Variants in EFR3B observed in about 807,000 individuals in gnomAD.
EFR3B encodes the protein protein EFR3 homolog B.
In EFR3B, 64 loss-of-function variants were observed where a neutral mutation model predicts 104.7. The observed-to-expected ratio is 0.61, with a 90% CI of 0.50 to 0.75. The LOEUF (loss-of-function observed/expected upper bound fraction) is 0.75. EFR3B is among the 30% of genes least tolerant of loss of function. EFR3B has a pLI of 0.00. For synonymous variants in EFR3B, 385 were observed against 417.9 expected, an observed-to-expected ratio of 0.92 and a Z score of 0.96; for missense variants, 750 against 1,078.5, an observed-to-expected ratio of 0.70 and a Z score of 4.27.
Position 25,154,541 on chromosome 2 carries a change from T to G in EFR3B, c.*201T>G. ...TCCTCCTCGTCTTCCCTGAGGGAGG[T>G]CTCACCAATCAGCATCTCACCTGTG... On this transcript the variant is annotated 3_prime_UTR_variant, in exon 23 of 23. Coordinates refer to ENST00000403714, the MANE Select transcript of EFR3B (RefSeq NM_014971.2). The surrounding 1 kb of genome is among the most constrained non-coding windows in gnomAD (Gnocchi z 4.1). 1 of 567,084 alleles carries G rather than the reference T, an allele frequency of 1.8e-6. No homozygotes were observed. The highest frequency in any genetic ancestry group is 3.1e-6 in the Non-Finnish European group (1 of 320,822). The allele number at this position is 567,084 out of a possible 1,614,324, so 35.1% of individuals were successfully genotyped here.
At chr2:25,086,839 C>T (rs1174508145) in intron 1 of EFR3B, among the ~76,000 whole-genome samples, 1 of 152,110 alleles carries the variant, frequency 6.6e-6, no homozygotes, top group Non-Finnish European at 1.5e-5. Context: ...GTGATCTGCC[C>T]GCCTCAGCCT....
In EFR3B at chr2:25,121,637, C is replaced by T. The variant is rs764553688; in HGVS notation, c.364-36C>T. ...CAGCAGTGAGAAGCATGGTGGGTCA[C>T]CTCTCTCGTGTGTTTCTCTCCTTCC... On this transcript the variant is annotated intron_variant, in intron 4 of 22. Coordinates refer to ENST00000403714, the MANE Select transcript of EFR3B (RefSeq NM_014971.2). The T allele has an allele frequency of 3.2e-6, 5 of 1,550,938 alleles. No individual in the cohort carries two copies. The African/African-American group carries it at 4.1e-5, about 13-fold the overall frequency.
At chr2:25,072,470 C>G (rs979870548) in intron 1 of EFR3B, among the ~76,000 whole-genome samples, 2 of 152,002 alleles carry the variant, frequency 1.3e-5, no homozygotes, top group African/African-American at 4.8e-5. Context: ...TTGGTAGAGA[C>G]AGAATTTCAC....
intron 15 of EFR3B, among the ~76,000 whole-genome samples, chr2:25,138,779 C>T (rs939694667): frequency 3.7e-4 from 57 of 152,278 alleles, no homozygotes; most frequent in African/African-American, 1.3e-3. Context: ...TGAAGGTCGC[C>T]ACAGCTGGAA....
intron 1 of EFR3B, among the ~76,000 whole-genome samples, chr2:25,086,301 T>C (rs1668949455): frequency 6.6e-6 from 1 of 152,200 alleles, no homozygotes; most frequent in South Asian, 2.1e-4. Context: ...TGCTGGATTG[T>C]ATGGTAAGAG....
At chr2:25,049,998 C>T (rs995621064) in intron 1 of EFR3B, among the ~76,000 whole-genome samples, 8 of 146,874 alleles carry the variant, frequency 5.4e-5, no homozygotes, top group East Asian at 2.0e-4. Flanking sequence ...GGGGTGGTGG[C>T]GCATGCCTAT....
At position 25,042,157 on chromosome 2, in the gene EFR3B, C is replaced by A. The variant is rs1004079539; in HGVS notation, c.-156C>A. On this transcript the variant is annotated 5_prime_UTR_variant, in exon 1 of 23. Transcript: ENST00000403714. The surrounding 1 kb of genome is among the most constrained non-coding windows in gnomAD (Gnocchi z 5.4). ...TGGCGGCGCCCGGCTCCGTCCTGCC[C>A]GCGGCCGGCCCCCGCGTCTGCTCCC... 2.9e-6 allele frequency: 2 copies of A among 682,620 alleles called. No individual in the cohort carries two copies. The highest frequency in any genetic ancestry group is 4.0e-6 in the Non-Finnish European group (2 of 500,328). 42.3% of individuals were successfully genotyped at this position (682,620 alleles called of 1,614,324 possible). A position where few individuals can be genotyped will look rare whatever the true frequency, so the allele number is the denominator to read the frequency against.
At position 25,042,603 on chromosome 2, in the gene EFR3B, C is replaced by T. The variant is rs1395941267; in HGVS notation, c.7+284C>T. 1.4e-5 allele frequency: 17 copies of T among 1,184,132 alleles called. No individual in the cohort carries two copies. Among genetic ancestry groups the T allele is most frequent in the African/African-American group, 1.6e-5 (1 of 62,836 alleles). The allele number at this position is 1,184,132 out of a possible 1,614,324, so 73.4% of individuals were successfully genotyped here. On this transcript the variant is annotated intron_variant, in intron 1 of 22. Coordinates refer to ENST00000403714, the MANE Select transcript of EFR3B (RefSeq NM_014971.2). This position sits in a 1 kb window ranked among gnomAD's most constrained non-coding sequence, Gnocchi z 5.4. ...CAGGGGAAAGCGGGTCTCCCGGAGCCGAGCAGACCGGGAGTGCTGGAGGAG... is the reference window on the plus strand; with the variant it reads ...CAGGGGAAAGCGGGTCTCCCGGAGCTGAGCAGACCGGGAGTGCTGGAGGAG...
chr2:25,091,257 C>G, intron 1 of EFR3B, 68 bp from the exon 2 acceptor site: 1 of 1,484,590 alleles, frequency 6.7e-7, no homozygotes, highest in African/African-American at 1.4e-5. Context: ...CTGCCCTGGC[C>G]CTGGCTCCAA....
chr2:25,042,097 C>T lies in EFR3B; in HGVS notation c.-216C>T, dbSNP rs1667587014. 6.2e-6 allele frequency: 2 copies of T among 321,748 alleles called. No homozygotes were observed. The highest frequency in any genetic ancestry group is 1.1e-5 in the Non-Finnish European group (2 of 181,088). 19.9% of individuals were successfully genotyped at this position (321,748 alleles called of 1,614,324 possible). A position where few individuals can be genotyped will look rare whatever the true frequency, so the allele number is the denominator to read the frequency against. ...GCGCAGCAGTGCCCAGCAACCCGAG[C>T]GGAGGCGGCCGCTGCAGCCCGGCGC... On this transcript the variant is annotated 5_prime_UTR_variant, in exon 1 of 23. Transcript: ENST00000403714. The surrounding 1 kb of genome is among the most constrained non-coding windows in gnomAD (Gnocchi z 5.4).
intron 3 of EFR3B, among the ~76,000 whole-genome samples, chr2:25,096,642 C>T (rs1193763269): frequency 1.3e-5 from 2 of 152,196 alleles, no homozygotes; most frequent in Non-Finnish European, 2.9e-5. Flanking sequence ...AACTGCTGAC[C>T]ACCTGGCTGG....
At chr2:25,053,243 C>A (rs1301973636) in intron 1 of EFR3B, among the ~76,000 whole-genome samples, 1 of 152,234 alleles carries the variant, frequency 6.6e-6, no homozygotes, top group Admixed American at 6.5e-5. Context: ...ACTTCTCACT[C>A]TTGGCACCTT....
At chr2:25,043,663 C>T (rs1667640277) in intron 1 of EFR3B, among the ~76,000 whole-genome samples, 1 of 152,202 alleles carries the variant, frequency 6.6e-6, no homozygotes, top group Admixed American at 6.5e-5. Flanking sequence ...GGCTGTGCTG[C>T]TGACCACTGG....
At chr2:25,043,419 A>C (rs1667628307) in intron 1 of EFR3B, among the ~76,000 whole-genome samples, 1 of 152,102 alleles carries the variant, frequency 6.6e-6, no homozygotes, top group African/African-American at 2.4e-5. Flanking sequence ...GTGAGTCACA[A>C]AGTTTGTTAG....
intron 1 of EFR3B, among the ~76,000 whole-genome samples, chr2:25,046,428 C>T (rs997260298): frequency 5.2e-4 from 79 of 151,974 alleles, no homozygotes; most frequent in Non-Finnish European, 9.4e-4. Flanking sequence ...TTGACGGAAT[C>T]CTATTTCGTG....
chr2:25,124,700 C>T (rs145302694), intron 5 of EFR3B, among the ~76,000 whole-genome samples: 1 of 133,986 alleles, frequency 7.5e-6, no homozygotes, highest in East Asian at 2.3e-4. Context: ...GATAGTGCCA[C>T]TGCACTCCAG....
chr2:25,096,339 T>G (rs1191836153), intron 3 of EFR3B, among the ~76,000 whole-genome samples: 1 of 152,142 alleles, frequency 6.6e-6, no homozygotes, highest in Non-Finnish European at 1.5e-5. Context: ...ATAGCCATCC[T>G]CTACTTTCAT....
chr2:25,137,265 G>C lies in EFR3B; in HGVS notation c.1561-76G>C. 6.7e-7 allele frequency: 1 copy of C among 1,499,688 alleles called. No individual in the cohort carries two copies. Among genetic ancestry groups the C allele is most frequent in the Non-Finnish European group, 9.0e-7 (1 of 1,111,156 alleles). The allele number at this position is 1,499,688 out of a possible 1,614,324, so 92.9% of individuals were successfully genotyped here. A position where few individuals can be genotyped will look rare whatever the true frequency, so the allele number is the denominator to read the frequency against. ...AGCCATCCTGCCCCCCTTCAGATTGGTCTTCCTCCGTGTTCTCCTTGCCCC... is the reference window on the plus strand; with the variant it reads ...AGCCATCCTGCCCCCCTTCAGATTGCTCTTCCTCCGTGTTCTCCTTGCCCC... On this transcript the variant is annotated intron_variant, in intron 14 of 22. Coordinates refer to ENST00000403714, the MANE Select transcript of EFR3B (RefSeq NM_014971.2). The surrounding 1 kb of genome is among the most constrained non-coding windows in gnomAD (Gnocchi z 4.7).
chr2:25,134,310 G>A (rs960892425), intron 12 of EFR3B, among the ~76,000 whole-genome samples: 10 of 151,900 alleles, frequency 6.6e-5, no homozygotes, highest in East Asian at 1.9e-4. Flanking sequence ...GATTACAGGC[G>A]CATGCCACCA....
Sources: allele counts gnomAD v4.1 joint callset (sites outside exome capture counted in the v4.1 genomes callset), GRCh38; gene constraint gnomAD v4.1.1; non-coding constraint Gnocchi (gnomAD v3.1); transcripts MANE v1.5; gene names NCBI Gene and HGNC (gene_info 2026-07-23, HGNC 2026-07-21).